Variants in PARP8 observed in about 807,000 individuals in gnomAD.
PARP8 encodes poly(ADP-ribose) polymerase family member 8, also known as protein mono-ADP-ribosyltransferase PARP8.
A neutral mutation model predicts 124.1 loss-of-function variants in PARP8; 51 were observed. The observed-to-expected ratio is 0.41, with a 90% confidence interval of 0.33 to 0.52. PARP8 has a LOEUF of 0.52. Ranked by LOEUF, PARP8 falls within the 20% of genes least tolerant of loss-of-function variation. The pLI is 0.21. For missense variants in PARP8, 860 were observed against 1,018.9 expected (o/e 0.84, Z 2.12); for synonymous variants, 391 against 361.5 (o/e 1.08, Z -0.93).
At chr5:50,804,874 A>G (rs566591188) in intron 14 of PARP8, among the ~76,000 whole-genome samples, 4 of 152,132 alleles carry the variant, frequency 2.6e-5, no homozygotes, top group Non-Finnish European at 5.9e-5. Context: ...CTTCAGCCTC[A>G]AAGAGTGCGT....
chr5:50,762,979 A>G (rs982687826), intron 6 of PARP8, among the ~76,000 whole-genome samples, 169 bp from the exon 7 acceptor site: 1 of 152,200 alleles, frequency 6.6e-6, no homozygotes, highest in Non-Finnish European at 1.5e-5. Context: ...TCCAACCATA[A>G]TCAATTTTTC....
chr5:50,668,703 G>A (rs1351439783), intron 2 of PARP8: 4 of 152,218 alleles, frequency 2.6e-5, no homozygotes, highest in African/African-American at 9.7e-5. Context: ...TGCACATTTC[G>A]TTAGTAAATT....
At chr5:50,712,756 A>G (rs1300992873) in intron 2 of PARP8, among the ~76,000 whole-genome samples, 1 of 152,084 alleles carries the variant, frequency 6.6e-6, no homozygotes, top group African/African-American at 2.4e-5. Context: ...TGAGAAAGAA[A>G]CAAATATGGA....
At chr5:50,811,056 C>T (rs1744379434) in intron 14 of PARP8, among the ~76,000 whole-genome samples, 1 of 152,032 alleles carries the variant, frequency 6.6e-6, no homozygotes, top group African/African-American at 2.4e-5. Flanking sequence ...TGTCTGATTT[C>T]CTTCTTCAAA....
chr5:50,691,534 A>G, intron 2 of PARP8, among the ~76,000 whole-genome samples: 1 of 152,198 alleles, frequency 6.6e-6, no homozygotes, highest in East Asian at 1.9e-4. Flanking sequence ...ATGACAGTGT[A>G]ATTTAATGAC....
chr5:50,688,988 G>C (rs1752180767), intron 2 of PARP8, among the ~76,000 whole-genome samples: 1 of 151,244 alleles, frequency 6.6e-6, no homozygotes, highest in Admixed American at 6.6e-5. Flanking sequence ...AAATGGGCTG[G>C]CATTTGACAA....
chr5:50,753,627 T>A (rs1442100314), intron 3 of PARP8, among the ~76,000 whole-genome samples: 1 of 152,072 alleles, frequency 6.6e-6, no homozygotes, highest in African/African-American at 2.4e-5. Context: ...AGTATTTAAT[T>A]TCTCTGAGCC....
intron 2 of PARP8, among the ~76,000 whole-genome samples, chr5:50,679,904 T>TA (rs1287626247): frequency 1.3e-5 from 2 of 152,198 alleles, no homozygotes; most frequent in East Asian, 3.8e-4. Flanking sequence ...GCAAAGAAGA[T>TA]ACAAATACTT....
chr5:50,822,370 T>C lies in PARP8; in HGVS notation c.1830T>C (p.Asp610=). Residue 610 remains aspartate, a synonymous_variant, in exon 17 of 26, where the codon GAT becomes GAC. Coordinates refer to ENST00000281631, the MANE Select transcript of PARP8 (RefSeq NM_024615.4). Reference sequence around the variant, plus strand: ...ATGATCGAGTAATGAAAGCACTGGATAGCATAACTTCTATCAGAGAAATGA... The same window carrying C: ...ATGATCGAGTAATGAAAGCACTGGACAGCATAACTTCTATCAGAGAAATGA... ...KNYDRVMKAL[D]SITSIREMTQ... 6.2e-7 allele frequency: 1 copy of C among 1,611,472 alleles called. No individual in the cohort carries two copies. Among genetic ancestry groups the C allele is most frequent in the East Asian group, 2.2e-5 (1 of 44,778 alleles).
rs1294514883 is a variant in PARP8 at position 50,666,776 on chromosome 5, G to A, written c.-320G>A. The A allele has an allele frequency of 5.5e-6, 5 of 903,002 alleles. No individual in the cohort carries two copies. In the East Asian group the frequency reaches 2.2e-4, roughly 41 times the overall value. The allele number at this position is 903,002 out of a possible 1,614,324, so 55.9% of individuals were successfully genotyped here. On this transcript the variant is annotated 5_prime_UTR_variant, in exon 1 of 26. Transcript: ENST00000281631. ...CCTCGGCCCCCACGGCCGTTGGTCC[G>A]GGCGGGTGAGGGAGAAAGTGAGACT... is the stretch of plus-strand genomic sequence containing the variant.
chr5:50,693,030 T>A (rs573050002), intron 2 of PARP8, among the ~76,000 whole-genome samples: 1 of 152,306 alleles, frequency 6.6e-6, no homozygotes, highest in South Asian at 2.1e-4. Flanking sequence ...CCTTAGGAAT[T>A]CTTCATATAA....
chr5:50,685,155 A>G (rs1751717111), intron 2 of PARP8, among the ~76,000 whole-genome samples: 1 of 152,360 alleles, frequency 6.6e-6, no homozygotes, highest in Admixed American at 6.5e-5. Context: ...GTCCCCATGC[A>G]TGGAAAACTG....
intron 4 of PARP8, among the ~76,000 whole-genome samples, chr5:50,759,956 A>G (rs1760379044): frequency 6.6e-6 from 1 of 152,194 alleles, no homozygotes; most frequent in South Asian, 2.1e-4. Context: ...TATTATGCTG[A>G]CATTGCTGTT....
chr5:50,817,543 A>G lies in PARP8; in HGVS notation c.1668+2019A>G, dbSNP rs1369054488. On this transcript the variant is annotated intron_variant, in intron 15 of 25. Transcript: ENST00000281631. ...ACATTCCTCAGGACCATTGCAGGGGACTTGCCTGGAGCAACAGTGTCCTGT... is the reference window on the plus strand; with the variant it reads ...ACATTCCTCAGGACCATTGCAGGGGGCTTGCCTGGAGCAACAGTGTCCTGT... 2.6e-5 allele frequency among the ~76,000 whole-genome samples: 4 copies of G among 152,156 alleles called. No homozygotes were observed. The East Asian group carries it at 7.7e-4, about 29-fold the overall frequency.
chr5:50,774,963 C>T (rs10052372), intron 7 of PARP8, among the ~76,000 whole-genome samples: 10,831 of 142,964 alleles, frequency 0.076, 416 homozygotes, highest in Middle Eastern at 0.11. Context: ...CCAGACGGGG[C>T]GGCCGGCCAG....
chr5:50,698,460 C>G (rs913853777), intron 2 of PARP8, among the ~76,000 whole-genome samples: 1 of 152,102 alleles, frequency 6.6e-6, no homozygotes. Context: ...CTTCTTATTC[C>G]TTATTATCTT....
At chr5:50,834,332 T>C (rs79960238) in intron 24 of PARP8, among the ~76,000 whole-genome samples, 1,625 of 152,276 alleles carry the variant, frequency 0.011, 14 homozygotes, top group South Asian at 0.042. Context: ...ATCTCTTTAG[T>C]TAATGTGCTA....
At chr5:50,702,106 T>C (rs1411323385) in intron 2 of PARP8, among the ~76,000 whole-genome samples, 1 of 152,170 alleles carries the variant, frequency 6.6e-6, no homozygotes, top group Non-Finnish European at 1.5e-5. Context: ...ACTTGTACTA[T>C]TTATGTAAGT....
At chr5:50,744,133 G>A (rs983922110) in intron 2 of PARP8, among the ~76,000 whole-genome samples, 2 of 152,098 alleles carry the variant, frequency 1.3e-5, no homozygotes, top group African/African-American at 2.4e-5. Flanking sequence ...TTGGTGCATC[G>A]AAAAACTCTT....
Sources: gnomAD v4.1 joint callset for allele counts (sites outside exome capture counted in the v4.1 genomes callset) on GRCh38, gnomAD v4.1.1 for gene constraint, MANE v1.5 for transcripts, NCBI Gene and HGNC (gene_info 2026-07-23, HGNC 2026-07-21) for gene names.